Variants in TJP1 observed in about 807,000 individuals in gnomAD.
The protein encoded by TJP1 is tight junction protein ZO-1.
TJP1 carries 43 observed loss-of-function variants against 194.2 expected under a neutral mutation model. That is an observed-to-expected ratio of 0.22 (90% CI 0.17 to 0.29). The LOEUF is 0.29. Ranked by LOEUF, TJP1 falls within the 10% of genes least tolerant of loss-of-function variation. TJP1 has a pLI of 1.00. For missense variants in TJP1, 1,971 were observed against 2,185.7 expected (o/e 0.90, Z 1.96); for synonymous variants, 801 against 779.0 (o/e 1.03, Z -0.47).
rs537676447 is a variant in TJP1 at position 29,868,272 on chromosome 15, G to A, written c.307-67570C>T. ...CCTAATTCCCTCTTTGTAATTTTCC[G>A]GGCATTAAAAATAACTGGTCAGTTA... On this transcript the variant is annotated intron_variant, in intron 2 of 28. Transcript: ENST00000356107. 5.3e-5 allele frequency among the ~76,000 whole-genome samples: 8 copies of A among 152,172 alleles called. No individual in the cohort carries two copies. In the South Asian group the frequency reaches 1.0e-3, roughly 20 times the overall value.
chr15:29,803,932 T>C (rs561590004), intron 1 of TJP1, among the ~76,000 whole-genome samples: 6 of 151,730 alleles, frequency 4.0e-5, no homozygotes, highest in African/African-American at 7.2e-5. Flanking sequence ...TAATTGAGAA[T>C]GAAACATCAA....
chr15:29,718,197 C>A, intron 21 of TJP1, 69 bp downstream of exon 21: 16 of 1,589,196 alleles, frequency 1.0e-5, no homozygotes, highest in Middle Eastern at 1.7e-4. Context: ...CATGTAATGG[C>A]GGAGGGGAGA....
intron 2 of TJP1, among the ~76,000 whole-genome samples, chr15:29,910,639 T>C (rs189661641): frequency 6.6e-6 from 1 of 152,360 alleles, no homozygotes; most frequent in African/African-American, 2.4e-5. Flanking sequence ...CTCTAACAAC[T>C]GCACTAATAA....
intron 23 of TJP1, among the ~76,000 whole-genome samples, chr15:29,711,873 G>A (rs2042264727): frequency 6.6e-6 from 1 of 152,118 alleles, no homozygotes; most frequent in Non-Finnish European, 1.5e-5. Context: ...GGGCATATCT[G>A]CGTTTCAGTA....
At chr15:29,881,076 T>C (rs1260273841) in intron 2 of TJP1, among the ~76,000 whole-genome samples, 1 of 152,208 alleles carries the variant, frequency 6.6e-6, no homozygotes, top group African/African-American at 2.4e-5. Flanking sequence ...AAGGGCTCCC[T>C]TTTCTCCTCC....
chr15:29,846,212 TTAA>T (rs1364663022), intron 2 of TJP1, among the ~76,000 whole-genome samples: 1 of 152,276 alleles, frequency 6.6e-6, no homozygotes, highest in African/African-American at 2.4e-5. Flanking sequence ...GCCCACATCC[TTAA>T]TATGGCCTAC....
intron 2 of TJP1, 150 bp from the exon 3 acceptor site, chr15:29,773,507 A>G (rs2046823226): frequency 2.8e-6 from 2 of 727,086 alleles, no homozygotes; most frequent in African/African-American, 3.6e-5. Context: ...TACCTATTAG[A>G]ATTATCCTTG....
At chr15:29,786,354 TCAC>T (rs1478905731) in intron 2 of TJP1, among the ~76,000 whole-genome samples, 7 of 152,222 alleles carry the variant, frequency 4.6e-5, no homozygotes, top group Non-Finnish European at 1.0e-4. Context: ...AAAATTAGCC[TCAC>T]CACCAATGTT....
At position 29,732,748 on chromosome 15, in the gene TJP1, A is replaced by G. The variant is rs2043749309; in HGVS notation, c.1804T>C (p.Trp602Arg). The G allele has an allele frequency of 6.2e-7, 1 of 1,614,188 alleles. No individual in the cohort carries two copies. The change falls in exon 14 of 28, where the codon TGG becomes CGG. Residue 602 changes from tryptophan to arginine, a missense_variant. Around this residue, in one of 5 missense-constraint regions of TJP1, gnomAD observed 402 missense variants for 484.2 expected, o/e 0.83. Coordinates refer to ENST00000614355, the MANE Select transcript of TJP1 (RefSeq NM_001330239.4). ...KTAGGDRADF[W>R]RFRGLRSSKR... ...GAGCTGCGAAGACCTCTGAATCTCC[A>G]GAAGTCAGCACGGTCTCCGCCTGCT...
At chr15:29,872,771 C>A (rs918568459) in intron 2 of TJP1, among the ~76,000 whole-genome samples, 1 of 152,156 alleles carries the variant, frequency 6.6e-6, no homozygotes, top group Non-Finnish European at 1.5e-5. Context: ...GCTTGGTGTC[C>A]CCTCTTTGGA....
chr15:29,726,784 T>G lies in TJP1; in HGVS notation c.2308A>C (p.Thr770Pro). The G allele has an allele frequency of 6.2e-7, 1 of 1,613,972 alleles. No homozygotes were observed. Among genetic ancestry groups the G allele is most frequent in the Non-Finnish European group, 8.5e-7 (1 of 1,179,942 alleles). Residue 770 changes from threonine (T) to proline (P), a missense_variant, in exon 17 of 28, where the codon ACA (threonine) becomes CCA (proline). Physicochemically the swap from Thr to Pro is conservative, Grantham distance 38. Coordinates refer to ENST00000614355, the MANE Select transcript of TJP1 (RefSeq NM_001330239.4). Reference sequence around the variant, plus strand: ...AGGCCTTTATTAACATACTCACTTGTAAAAAGATGGTGATTATTTTTACGA... The same window carrying G: ...AGGCCTTTATTAACATACTCACTTGGAAAAAGATGGTGATTATTTTTACGA... Reference protein sequence around the residue: ...KLRKNNHHLFTTTINLNSMND... With the variant: ...KLRKNNHHLFPTTINLNSMND...
chr15:29,894,449 A>G (rs1248429826), intron 2 of TJP1, among the ~76,000 whole-genome samples: 1 of 152,224 alleles, frequency 6.6e-6, no homozygotes, highest in Non-Finnish European at 1.5e-5. Context: ...ACAGAGCAAG[A>G]TTCTGTCTCA....
intron 2 of TJP1, among the ~76,000 whole-genome samples, chr15:29,869,788 TTTC>T (rs1415101780): frequency 7.4e-6 from 1 of 135,566 alleles, no homozygotes; most frequent in East Asian, 2.2e-4. Flanking sequence ...TCTTTCTTTC[TTTC>T]TTTCTTTTTT....
intron 10 of TJP1, among the ~76,000 whole-genome samples, chr15:29,740,706 C>T (rs1427655052): frequency 1.3e-5 from 2 of 151,798 alleles, no homozygotes; most frequent in African/African-American, 4.8e-5. Context: ...TACAAATTTA[C>T]ATCTCAATTC....
chr15:29,802,718 C>A (rs2151898354), intron 1 of TJP1, among the ~76,000 whole-genome samples: 1 of 152,244 alleles, frequency 6.6e-6, no homozygotes, highest in South Asian at 2.1e-4. Context: ...GCAAGAGTTG[C>A]CAGTTTGTCC....
chr15:29,754,860 T>C (rs903443352), intron 8 of TJP1, among the ~76,000 whole-genome samples: 1 of 152,200 alleles, frequency 6.6e-6, no homozygotes, highest in Non-Finnish European at 1.5e-5. Flanking sequence ...TCAACCTGTA[T>C]GTAAGTTTCA....
rs755751066 is a variant in TJP1, at chr15:29,737,246, G to C, written c.1407+18C>G. 1 of 1,611,768 alleles carries C rather than the reference G, an allele frequency of 6.2e-7. No homozygotes were observed. Among genetic ancestry groups the C allele is most frequent in the South Asian group, 1.1e-5 (1 of 90,712 alleles). On this transcript the variant is annotated intron_variant, in intron 11 of 27. Coordinates refer to ENST00000614355, the MANE Select transcript of TJP1 (RefSeq NM_001330239.4). ...TCCAAATACTTTTTAACCCACATAA[G>C]TTGCAATACTGACATACCCTGAGAA...
intron 2 of TJP1, among the ~76,000 whole-genome samples, chr15:29,879,661 G>T (rs1596169493): frequency 1.3e-5 from 2 of 152,090 alleles, no homozygotes; most frequent in Non-Finnish European, 2.9e-5. Context: ...CATAGTGATG[G>T]AATTGTGACA....
upstream of TJP1, among the ~76,000 whole-genome samples, chr15:29,825,378 G>A (rs1161928752): frequency 6.6e-6 from 1 of 152,152 alleles, no homozygotes; most frequent in Non-Finnish European, 1.5e-5. Flanking sequence ...TCTTTCGATT[G>A]TACAGATTTA....
Sources: allele counts gnomAD v4.1 joint callset (sites outside exome capture counted in the v4.1 genomes callset), GRCh38; gene constraint gnomAD v4.1.1; regional missense constraint gnomAD v4.1.1; transcripts MANE v1.5; gene names NCBI Gene and HGNC (gene_info 2026-07-23, HGNC 2026-07-21).